TMEM230: variants seen among roughly 807,000 people sequenced by gnomAD.
The protein encoded by TMEM230 is transmembrane protein 230.
Under a neutral mutation model 15.8 loss-of-function variants are expected in TMEM230, and 10 were observed. That is an observed-to-expected ratio of 0.63 (90% CI 0.39 to 1.07). The LOEUF is 1.07. Among genes scored for constraint, TMEM230 ranks in the 50% least tolerant of loss-of-function variants. The probability of loss-of-function intolerance (pLI) is 0.01; values close to 1 mark genes in which losing one functional copy is unlikely to be tolerated. For synonymous variants in TMEM230, 67 were observed against 76.9 expected (o/e 0.87, Z 0.68); for missense variants, 165 against 193.3 (o/e 0.85, Z 0.87).
At chr20:5,099,818 A>G (rs1262444081), downstream of TMEM230, 1 of 944,108 alleles carries the variant, frequency 1.1e-6, no homozygotes, top group East Asian at 1.2e-4. Flanking sequence ...GGGATTAAAG[A>G]TATCATAAAA....
intron 1 of TMEM230, 21 bp downstream of exon 1, chr20:5,112,940 C>T: frequency 6.5e-7 from 1 of 1,549,786 alleles, no homozygotes; most frequent in African/African-American, 1.4e-5. Flanking sequence ...CTGTCCCCGC[C>T]CTGCCGCACA....
intron 3 of TMEM230, among the ~76,000 whole-genome samples, chr20:5,069,631 G>C (rs1265580656): frequency 1.3e-5 from 2 of 152,122 alleles, no homozygotes; most frequent in African/African-American, 4.8e-5. Context: ...TCAAGGGGTA[G>C]AGTCTAAGTC....
At chr20:5,085,378 T>A (rs1047948846) in intron 3 of TMEM230, among the ~76,000 whole-genome samples, 1 of 152,146 alleles carries the variant, frequency 6.6e-6, no homozygotes, top group African/African-American at 2.4e-5. Flanking sequence ...AACCTCTGCC[T>A]CCTGGATTCA....
chr20:5,100,824 G>A lies in TMEM230; in HGVS notation c.519C>T (p.Tyr173=). 6.2e-7 allele frequency: 1 copy of A among 1,614,028 alleles called. No individual in the cohort carries two copies. Among genetic ancestry groups the A allele is most frequent in the African/African-American group, 1.3e-5 (1 of 75,052 alleles). The change falls in exon 5 of 5, where the codon TAC becomes TAT. Residue 173 remains tyrosine (Y), a synonymous_variant. Transcript: ENST00000342308. ...CAAAGTCTGGAATGTCATCATAGGA[G>A]TAACCACGGTAGCCTTTGGATGCAT...
intron 3 of TMEM230, among the ~76,000 whole-genome samples, chr20:5,071,493 G>A (rs528916247): frequency 9.9e-5 from 15 of 151,634 alleles, no homozygotes; most frequent in South Asian, 2.1e-4. Context: ...GCATGGTGGC[G>A]ATGCCTGTAA....
intron 4 of TMEM230, among the ~76,000 whole-genome samples, chr20:5,102,688 CAAAAA>C (rs58106156): frequency 8.4e-4 from 70 of 83,014 alleles, no homozygotes; most frequent in African/African-American, 2.5e-3. Context: ...GACCCTGTCT[CAAAAA>C]AAAAAAAAAA....
chr20:5,095,347 A>G (rs2089635675), downstream of TMEM230, among the ~76,000 whole-genome samples: 2 of 152,198 alleles, frequency 1.3e-5, no homozygotes, highest in Admixed American at 6.5e-5. Context: ...TGGGTCATAA[A>G]TTACACATCG....
intron 3 of TMEM230, among the ~76,000 whole-genome samples, chr20:5,076,673 A>ATTTT (rs2089008859): frequency 7.2e-6 from 1 of 138,024 alleles, no homozygotes; most frequent in African/African-American, 3.0e-5. Flanking sequence ...TTGGATTGAT[A>ATTTT]TTCTTTTTTT....
intron 3 of TMEM230, among the ~76,000 whole-genome samples, chr20:5,108,176 T>C (rs2090168482): frequency 2.0e-5 from 3 of 152,108 alleles, no homozygotes; most frequent in Middle Eastern, 3.4e-3. Flanking sequence ...TCCCAGCACT[T>C]TGCGAGGCCG....
At chr20:5,101,047 G>A in intron 4 of TMEM230, 116 bp from the exon 4 acceptor site, 1 of 1,249,334 alleles carries the variant, frequency 8.0e-7, no homozygotes, top group African/African-American at 1.5e-5. Flanking sequence ...CTTTTTCTTT[G>A]AGTTGTATAC....
downstream of TMEM230, among the ~76,000 whole-genome samples, chr20:5,065,519 TAGCC>T (rs1176636292): frequency 1.3e-5 from 2 of 152,346 alleles, no homozygotes; most frequent in East Asian, 3.9e-4. Flanking sequence ...TCTTTGAGGC[TAGCC>T]AGCAGGGGAG....
In TMEM230 at chr20:5,099,991, G is replaced by C. The variant is rs565763535; in HGVS notation, c.*800C>G. 117 of 985,326 alleles carry C rather than the reference G, an allele frequency of 1.2e-4. No individual in the cohort carries two copies. The highest frequency in any genetic ancestry group is 1.4e-4 in the Non-Finnish European group (115 of 829,912). The allele number at this position is 985,326 out of a possible 1,614,324, so 61.0% of individuals were successfully genotyped here. ...CTCTAGGCATCCAGGCTGATCCTTG[G>C]AATCATGAGCAGAATGATGACATAC... On this transcript the variant is annotated 3_prime_UTR_variant, in exon 5 of 5. Transcript: ENST00000342308.
chr20:5,110,724 C>G (rs1297591261), intron 2 of TMEM230, among the ~76,000 whole-genome samples: 1 of 152,068 alleles, frequency 6.6e-6, no homozygotes. Flanking sequence ...GGTATAATAT[C>G]TTACAAAAAA....
At chr20:5,080,361 A>T (rs539279954) in intron 3 of TMEM230, among the ~76,000 whole-genome samples, 1 of 152,260 alleles carries the variant, frequency 6.6e-6, no homozygotes, top group Non-Finnish European at 1.5e-5. Context: ...CCAGTTTCAT[A>T]CTTCTCATTT....
chr20:5,071,638 A>C (rs6084980), intron 3 of TMEM230, among the ~76,000 whole-genome samples: 7,057 of 13,818 alleles, frequency 0.51, 527 homozygotes, highest in African/African-American at 0.54. Flanking sequence ...AAAAAAAAAA[A>C]CAAAAAGGGT....
In TMEM230 at chr20:5,088,308, CAAAAAAAAAAA is replaced by C. The variant is rs777211538; in HGVS notation, c.222+17869_222+17879del. On this transcript the variant is annotated intron_variant, in intron 3 of 3. Transcript: ENST00000612323. ...TGGGCAACGGAGGGAGACTCTGTCT[CAAAAAAAAAAA>C]AAAAAAAAAGGTTTCAAACACAATT... 4.3e-4 allele frequency among the ~76,000 whole-genome samples: 22 copies of C among 51,132 alleles called. 1 individual carries two copies. The highest frequency in any genetic ancestry group is 9.1e-5 in the Non-Finnish European group (2 of 22,040). 33.5% of individuals were successfully genotyped at this position (51,132 alleles called of 152,430 possible). A position where few individuals can be genotyped will look rare whatever the true frequency, so the allele number is the denominator to read the frequency against.
chr20:5,112,872 A>G, intron 1 of TMEM230, 89 bp downstream of exon 1: 2 of 1,547,968 alleles, frequency 1.3e-6, no homozygotes, highest in East Asian at 4.9e-5. Context: ...GATGACTCGG[A>G]GCTTGATTTC....
At chr20:5,096,448 C>G (rs1241786169), downstream of TMEM230, among the ~76,000 whole-genome samples, 1 of 152,184 alleles carries the variant, frequency 6.6e-6, no homozygotes, top group South Asian at 2.1e-4. Flanking sequence ...AGGAGAGAAG[C>G]CTCAGGATAG....
chr20:5,109,887 G>A (rs754916515), intron 2 of TMEM230, among the ~76,000 whole-genome samples: 1 of 152,184 alleles, frequency 6.6e-6, no homozygotes, highest in Non-Finnish European at 1.5e-5. Context: ...AGCAAGAGGA[G>A]CATATACTCA....
Sources: allele counts gnomAD v4.1 joint callset (sites outside exome capture counted in the v4.1 genomes callset), GRCh38; gene constraint gnomAD v4.1.1; transcripts MANE v1.5; gene names NCBI Gene and HGNC (gene_info 2026-07-23, HGNC 2026-07-21).